The following IL10 variants were observed in gnomAD, a reference collection of about 807,000 sequenced individuals.
IL10 encodes interleukin-10.
IL10 carries 7 observed loss-of-function variants against 21.0 expected under a neutral mutation model. That is an observed-to-expected ratio of 0.33 (90% CI 0.19 to 0.63). IL10 has a LOEUF of 0.63. IL10 is among the 20% of genes least tolerant of loss of function. The probability of loss-of-function intolerance (pLI) is 0.77; values close to 1 mark genes in which losing one functional copy is unlikely to be tolerated. For synonymous variants in IL10, 83 were observed against 79.7 expected (o/e 1.04, Z -0.22); for missense variants, 161 against 213.0 (o/e 0.76, Z 1.52).
In IL10 at chr1:206,768,126, C is replaced by T; in HGVS notation, c.*510G>A. The T allele has an allele frequency of 4.6e-6, 1 of 219,714 alleles. No homozygotes were observed. Among genetic ancestry groups the T allele is most frequent in the Non-Finnish European group, 9.1e-6 (1 of 109,662 alleles). The allele number at this position is 219,714 out of a possible 1,614,324, so 13.6% of individuals were successfully genotyped here. ...AGGTTAGGGGAATCCCTCCGAGACA[C>T]TGGAAGGTGAATTAATCATCAAAGG... On this transcript the variant is annotated 3_prime_UTR_variant, in exon 5 of 5. Coordinates refer to ENST00000423557, the MANE Select transcript of IL10 (RefSeq NM_000572.3).
intron 1 of IL10, 51 bp from the exon 2 acceptor site, chr1:206,771,466 A>G: frequency 1.4e-6 from 2 of 1,452,744 alleles, no homozygotes; most frequent in East Asian, 2.4e-5. Flanking sequence ...GAAATAACTG[A>G]AATGCGGTCT....
chr1:206,769,589 C>T (rs376366616), intron 4 of IL10: 3 of 590,786 alleles, frequency 5.1e-6, no homozygotes, highest in South Asian at 2.0e-5. Context: ...GCCTAACCCG[C>T]AAGCCTGCAA....
At position 206,771,396 on chromosome 1, in the gene IL10, T is replaced by G; in HGVS notation, c.185A>C (p.Asp62Ala). The change falls in exon 2 of 5, where the codon GAC becomes GCC. Residue 62 changes from aspartate (D) to alanine (A), a missense_variant. By Grantham distance (126) the Asp-to-Ala change is moderately radical (BLOSUM62 -2). Transcript: ENST00000423557. Reference protein sequence around the residue: ...KTFFQMKDQLDNLLLKESLLE... With the variant: ...KTFFQMKDQLANLLLKESLLE... ...CAAGGACTCCTTTAACAACAAGTTG[T>G]CCAGCTGATCCTTCATTTGCTGCAG... The G allele has an allele frequency of 6.2e-7, 1 of 1,612,252 alleles. No homozygotes were observed. The highest frequency in any genetic ancestry group is 8.5e-7 in the Non-Finnish European group (1 of 1,179,152).
chr1:206,770,136 C>T (rs966271297), intron 3 of IL10, among the ~76,000 whole-genome samples: 4 of 152,154 alleles, frequency 2.6e-5, no homozygotes, highest in Non-Finnish European at 5.9e-5. Flanking sequence ...TTCCTTCCTC[C>T]CCCAGAACTC....
Position 206,768,721 on chromosome 1 carries a change from T to G in IL10, c.452A>C (p.Glu151Ala), listed in dbSNP as rs146520891. 2.5e-6 allele frequency: 4 copies of G among 1,599,032 alleles called. No homozygotes were observed. Among genetic ancestry groups the G allele is most frequent in the Non-Finnish European group, 3.4e-6 (4 of 1,166,290 alleles). The change falls in exon 5 of 5, where the codon GAG becomes GCG. Residue 151 changes from glutamate to alanine, a missense_variant. Coordinates refer to ENST00000423557, the MANE Select transcript of IL10 (RefSeq NM_000572.3). Reference sequence around the variant, plus strand: ...ACTCATGGCTTTGTAGATGCCTTTCTCTTGGAGCTGTGCAGAGAGATAAGA... The same window carrying G: ...ACTCATGGCTTTGTAGATGCCTTTCGCTTGGAGCTGTGCAGAGAGATAAGA... ...QVKNAFNKLQ[E>A]KGIYKAMSEF...
Position 206,768,578 on chromosome 1 carries a change from C to A in IL10, c.*58G>T. 1 of 990,918 alleles carries A rather than the reference C, an allele frequency of 1.0e-6. No individual in the cohort carries two copies. The highest frequency in any genetic ancestry group is 1.3e-5 in the South Asian group (1 of 77,240). The allele number at this position is 990,918 out of a possible 1,614,324, so 61.4% of individuals were successfully genotyped here. Reference sequence around the variant, plus strand: ...GTCAGCTATCCCAGAGCCCCAGATCCGATTTTGGAGACCTCTAATTTATGT... The same window carrying A: ...GTCAGCTATCCCAGAGCCCCAGATCAGATTTTGGAGACCTCTAATTTATGT... On this transcript the variant is annotated 3_prime_UTR_variant, in exon 5 of 5. Coordinates refer to ENST00000423557, the MANE Select transcript of IL10 (RefSeq NM_000572.3).
rs756344226 is a variant in IL10, at chr1:206,772,483, C to G, written c.-48G>C. 6.3e-7 allele frequency: 1 copy of G among 1,582,708 alleles called. No homozygotes were observed. Among genetic ancestry groups the G allele is most frequent in the East Asian group, 2.2e-5 (1 of 44,732 alleles). On this transcript the variant is annotated 5_prime_UTR_variant, in exon 1 of 5. Transcript: ENST00000423557. ...TGTGGTTTGGTTTTGCAAGAGCAAGCCCCTGATGTGTAGACCTTCACCTCT... is the reference window on the plus strand; with the variant it reads ...TGTGGTTTGGTTTTGCAAGAGCAAGGCCCTGATGTGTAGACCTTCACCTCT...
At chr1:206,772,062 G>A (rs547815096) in intron 1 of IL10, among the ~76,000 whole-genome samples, 1 of 152,180 alleles carries the variant, frequency 6.6e-6, no homozygotes, top group Non-Finnish European at 1.5e-5. Context: ...TATAAGGCAG[G>A]TTTCCTGCAC....
At chr1:206,770,545 T>TC (rs1674797052) in intron 3 of IL10, 1 of 334,656 alleles carries the variant, frequency 3.0e-6, no homozygotes, top group Non-Finnish European at 5.7e-6. Context: ...GAATGATGTT[T>TC]CCTCTGCTTG....
Position 206,768,709 on chromosome 1 carries a change from T to G in IL10, c.464A>C (p.Tyr155Ser). Residue 155 changes from tyrosine (Y) to serine (S), a missense_variant, in exon 5 of 5, where the codon TAC becomes TCC. By Grantham distance (144) the Tyr-to-Ser change is moderately radical. Transcript: ENST00000423557. ...AFNKLQEKGI[Y>S]KAMSEFDIFI... The stretch of plus-strand genomic sequence containing the variant: ...GATGTCAAACTCACTCATGGCTTTG[T>G]AGATGCCTTTCTCTTGGAGCTGTGC... 1 of 1,606,824 alleles carries G rather than the reference T, an allele frequency of 6.2e-7. No individual in the cohort carries two copies. Among genetic ancestry groups the G allele is most frequent in the South Asian group, 1.1e-5 (1 of 90,906 alleles).
chr1:206,770,894 A>T lies in IL10; in HGVS notation c.378+13T>A, dbSNP rs200235675. 6.2e-7 allele frequency: 1 copy of T among 1,613,718 alleles called. No homozygotes were observed. The highest frequency in any genetic ancestry group is 1.3e-5 in the African/African-American group (1 of 74,994). On this transcript the variant is annotated intron_variant, in intron 3 of 4. Transcript: ENST00000423557. ...GGGGCAGCTGCAAGGGAAAAAACTG[A>T]TCTGCTACTTACACAGCGCCGTAGC...
At chr1:206,771,599 G>T (rs1572539555) in intron 1 of IL10, among the ~76,000 whole-genome samples, 184 bp from the exon 2 acceptor site, 2 of 152,184 alleles carry the variant, frequency 1.3e-5, no homozygotes, top group East Asian at 3.9e-4. Context: ...ACTTAAATCA[G>T]GTCCTCCTCC....
Position 206,771,444 on chromosome 1 carries a change from T to G in IL10, c.166-29A>C, listed in dbSNP as rs1488200570. ...CAGGAAGAACAAAAGGAGAATGAAC[T>G]TGAGGTTTGGGGAAATAACTGAAAT... On this transcript the variant is annotated intron_variant, in intron 1 of 4. Transcript: ENST00000423557. The G allele has an allele frequency of 1.9e-6, 3 of 1,573,292 alleles. No individual in the cohort carries two copies. The African/African-American group carries it at 4.1e-5, about 21-fold the overall frequency.
At chr1:206,769,757 T>A in intron 4 of IL10, 72 bp downstream of exon 4, 1 of 1,190,836 alleles carries the variant, frequency 8.4e-7, no homozygotes, top group Admixed American at 1.7e-5. Context: ...CCCACCACCT[T>A]CCATGCTTTG....
chr1:206,772,400 G>A lies in IL10; in HGVS notation c.36C>T (p.Leu12=), dbSNP rs1674878729. Residue 12 remains leucine, a synonymous_variant, in exon 1 of 5, where the codon CTC becomes CTT. Coordinates refer to ENST00000423557, the MANE Select transcript of IL10 (RefSeq NM_000572.3). ...HSSALLCCLV[L]LTGVRASPGQ... The stretch of plus-strand genomic sequence containing the variant: ...CTGGGCTGGCCCTCACCCCAGTCAG[G>A]AGGACCAGGCAACAGAGCAGTGCTG... 6.2e-7 allele frequency: 1 copy of A among 1,614,134 alleles called. No individual in the cohort carries two copies. Among genetic ancestry groups the A allele is most frequent in the South Asian group, 1.1e-5 (1 of 91,090 alleles).
intron 4 of IL10, 52 bp from the exon 5 acceptor site, chr1:206,768,780 T>C (rs1002663473): frequency 1.9e-6 from 2 of 1,075,064 alleles, no homozygotes; most frequent in Non-Finnish European, 2.9e-6. Context: ...GGGGACTAAA[T>C]AGGCTCCCCT....
intron 1 of IL10, among the ~76,000 whole-genome samples, chr1:206,771,843 G>T (rs182562553): frequency 1.3e-5 from 2 of 152,182 alleles, no homozygotes; most frequent in South Asian, 2.1e-4. Context: ...TCTAATGCAG[G>T]TTTCCCTCAT....
In IL10 at chr1:206,772,171, G is replaced by A. The variant is rs1674869206; in HGVS notation, c.165+100C>T. 13 of 999,792 alleles carry A rather than the reference G, an allele frequency of 1.3e-5. No homozygotes were observed. The South Asian group carries it at 1.6e-4, about 12-fold the overall frequency. The allele number at this position is 999,792 out of a possible 1,614,324, so 61.9% of individuals were successfully genotyped here. On this transcript the variant is annotated intron_variant, in intron 1 of 4. Transcript: ENST00000423557. ...GTTTGGGGGAATAGGTGTTGGGGAT[G>A]GAGGTGGAGGCGCAGGAGGAGGGTT...
At position 206,771,065 on chromosome 1, in the gene IL10, G is replaced by C; in HGVS notation, c.226-6C>G. The C allele has an allele frequency of 1.9e-6, 3 of 1,613,986 alleles. No homozygotes were observed. Among genetic ancestry groups the C allele is most frequent in the Non-Finnish European group, 2.5e-6 (3 of 1,179,922 alleles). The stretch of plus-strand genomic sequence containing the variant: ...GCTTGGCAACCCAGGTAACCCTAAG[G>C]GCAGGAGCCAAAGGTGAGTGAGAGA... On this transcript the variant is annotated splice_polypyrimidine_tract_variant and splice_region_variant and intron_variant, in intron 2 of 4. Transcript: ENST00000423557.
Sources: gnomAD v4.1 joint callset for allele counts (sites outside exome capture counted in the v4.1 genomes callset) on GRCh38, gnomAD v4.1.1 for gene constraint, MANE v1.5 for transcripts, NCBI Gene and HGNC (gene_info 2026-07-23, HGNC 2026-07-21) for gene names.